The following PIK3C2G variants were observed in gnomAD, a reference collection of about 807,000 sequenced individuals.
The protein encoded by PIK3C2G is phosphatidylinositol 3-kinase C2 domain-containing subunit gamma.
PIK3C2G carries 168 observed loss-of-function variants against 181.1 expected under a neutral mutation model. That is an observed-to-expected ratio of 0.93 (90% confidence interval 0.82 to 1.05). The LOEUF (loss-of-function observed/expected upper bound fraction) is 1.05, where lower values mean the gene tolerates loss of function less well. Among genes scored for constraint, PIK3C2G ranks in the 50% least tolerant of loss-of-function variants. PIK3C2G has a pLI of 0.00. For synonymous variants in PIK3C2G, 573 were observed against 592.2 expected, an observed-to-expected ratio of 0.97 and a Z score of 0.47; for missense variants, 1,869 against 1,732.8, an observed-to-expected ratio of 1.08 and a Z score of -1.40.
At chr12:18,675,903 T>C in the PIK3C2G span, among the ~76,000 whole-genome samples, 3 of 152,034 alleles carry the variant, frequency 2.0e-5, no homozygotes, top group South Asian at 4.1e-4. Context: ...GAGATTTTAC[T>C]TTTTGGGTAC....
the PIK3C2G span, among the ~76,000 whole-genome samples, chr12:18,702,457 T>C: frequency 6.6e-6 from 1 of 152,202 alleles, no homozygotes; most frequent in Admixed American, 6.5e-5. Context: ...GTACCGGCTC[T>C]GTTATATACA....
At chr12:18,628,398 G>A (rs1949195592) in intron 31 of PIK3C2G, among the ~76,000 whole-genome samples, 1 of 151,818 alleles carries the variant, frequency 6.6e-6, no homozygotes, top group African/African-American at 2.4e-5. Flanking sequence ...CTTTTTTTCT[G>A]TTTTGATATA....
chr12:18,636,494 G>T (rs530792568), intron 31 of PIK3C2G, among the ~76,000 whole-genome samples: 9 of 152,128 alleles, frequency 5.9e-5, no homozygotes, highest in African/African-American at 1.4e-4. Flanking sequence ...GCCTCCCAAA[G>T]TGCTGGGATT....
At chr12:18,661,024 C>G in the PIK3C2G span, among the ~76,000 whole-genome samples, 2 of 152,176 alleles carry the variant, frequency 1.3e-5, no homozygotes, top group East Asian at 3.9e-4. Context: ...GACAAAAATT[C>G]ACTAGAAGAA....
chr12:18,669,964 G>T, the PIK3C2G span, among the ~76,000 whole-genome samples: 2 of 151,946 alleles, frequency 1.3e-5, no homozygotes, highest in Non-Finnish European at 2.9e-5. Flanking sequence ...CACCGCGCCC[G>T]GCCCTCTTCC....
upstream of PIK3C2G, among the ~76,000 whole-genome samples, chr12:18,259,455 A>G (rs1400551193): frequency 1.3e-5 from 2 of 152,056 alleles, no homozygotes; most frequent in Non-Finnish European, 2.9e-5. Flanking sequence ...GAGCAAGACT[A>G]CAGGCAGATG....
intron 6 of PIK3C2G, among the ~76,000 whole-genome samples, chr12:18,317,762 A>C (rs1950931472): frequency 6.6e-6 from 1 of 152,224 alleles, no homozygotes; most frequent in African/African-American, 2.4e-5. Context: ...AAAAAAGCAA[A>C]AATTCTGGTT....
intron 5 of PIK3C2G, among the ~76,000 whole-genome samples, chr12:18,302,491 G>A (rs1370787923): frequency 6.6e-6 from 1 of 152,146 alleles, no homozygotes; most frequent in African/African-American, 2.4e-5. Flanking sequence ...GGGTGGGCAG[G>A]GCGATCCTCA....
the PIK3C2G span, among the ~76,000 whole-genome samples, chr12:18,661,027 T>G: frequency 2.6e-5 from 4 of 152,002 alleles, no homozygotes; most frequent in African/African-American, 9.7e-5. Context: ...AAAAATTCAC[T>G]AGAAGAATTG....
At chr12:18,511,713 A>G (rs1942218821) in intron 24 of PIK3C2G, among the ~76,000 whole-genome samples, 1 of 152,052 alleles carries the variant, frequency 6.6e-6, no homozygotes, top group Non-Finnish European at 1.5e-5. Flanking sequence ...TATTTTGGAT[A>G]CTAACCCATT....
intron 14 of PIK3C2G, among the ~76,000 whole-genome samples, chr12:18,388,967 C>T (rs57828887): frequency 0.23 from 34,499 of 152,064 alleles, 4,125 homozygotes; most frequent in Admixed American, 0.34. Context: ...ATAAGGAGTG[C>T]ATCCTCAAGG....
At chr12:18,652,052 C>T (rs1360039371), downstream of PIK3C2G, among the ~76,000 whole-genome samples, 2 of 152,152 alleles carry the variant, frequency 1.3e-5, no homozygotes, top group East Asian at 3.9e-4. Flanking sequence ...TTACGTATAA[C>T]TTTTAAAGTT....
chr12:18,311,091 T>C (rs1034181492), intron 5 of PIK3C2G, among the ~76,000 whole-genome samples: 1 of 151,948 alleles, frequency 6.6e-6, no homozygotes, highest in Admixed American at 6.6e-5. Context: ...TGAGAATATA[T>C]TCCTATAATG....
At chr12:18,272,458 T>G (rs1948784786) in intron 1 of PIK3C2G, among the ~76,000 whole-genome samples, 1 of 152,160 alleles carries the variant, frequency 6.6e-6, no homozygotes, top group Non-Finnish European at 1.5e-5. Flanking sequence ...GATGCCTAGT[T>G]TTTATAATTC....
chr12:18,286,184 T>A lies in PIK3C2G; in HGVS notation c.679-663T>A, dbSNP rs888438848. On this transcript the variant is annotated intron_variant, in intron 2 of 32. Coordinates refer to ENST00000538779, the MANE Select transcript of PIK3C2G (RefSeq NM_001288772.2). ...TTAAAACGCATAAGGCAAAAATGGT[T>A]TCTTTAATCCTACATGCACTCACTG... Among the ~76,000 whole-genome samples the A allele has an allele frequency of 3.3e-5, 5 of 152,072 alleles. No homozygotes were observed. In the East Asian group the frequency reaches 9.6e-4, roughly 29 times the overall value.
the PIK3C2G span, among the ~76,000 whole-genome samples, chr12:18,702,355 C>T: frequency 6.6e-6 from 1 of 152,132 alleles, no homozygotes; most frequent in Non-Finnish European, 1.5e-5. Flanking sequence ...ATCAGTGTCA[C>T]TTGTTCTAAA....
chr12:18,298,906 A>G (rs11044014), intron 5 of PIK3C2G, among the ~76,000 whole-genome samples: 9,030 of 151,796 alleles, frequency 0.059, 393 homozygotes, highest in Non-Finnish European at 0.093. Flanking sequence ...CCATTAGCCT[A>G]TGTGTTTGTT....
intron 18 of PIK3C2G, among the ~76,000 whole-genome samples, chr12:18,449,170 T>A (rs1418526441): frequency 6.6e-6 from 1 of 152,190 alleles, no homozygotes; most frequent in Non-Finnish European, 1.5e-5. Context: ...CTTGCATTTA[T>A]CTCTAGGCTC....
chr12:18,540,046 C>T (rs552392218), intron 25 of PIK3C2G, among the ~76,000 whole-genome samples: 8 of 151,782 alleles, frequency 5.3e-5, no homozygotes, highest in Non-Finnish European at 7.4e-5. Flanking sequence ...GTGATTCTGA[C>T]CCCATTTAAA....
Sources: gnomAD v4.1 joint callset for allele counts (sites outside exome capture counted in the v4.1 genomes callset) on GRCh38, gnomAD v4.1.1 for gene constraint, MANE v1.5 for transcripts, NCBI Gene and HGNC (gene_info 2026-07-23, HGNC 2026-07-21) for gene names.